KCNIP2: variants seen among roughly 807,000 people sequenced by gnomAD.
The protein encoded by KCNIP2 is potassium voltage-gated channel interacting protein 2, also known as A-type potassium channel modulatory protein KCNIP2.
Under a neutral mutation model 39.0 loss-of-function variants are expected in KCNIP2, and 19 were observed. The ratio of observed to expected loss-of-function variants is 0.49; its 90% confidence interval spans 0.34 to 0.71. The LOEUF is 0.71. Among genes scored for constraint, KCNIP2 ranks in the 30% least tolerant of loss-of-function variants. The pLI, the probability that KCNIP2 is intolerant of heterozygous loss-of-function variation, is 0.01. For synonymous variants in KCNIP2, 111 were observed against 131.2 expected (o/e 0.85, Z 1.05); for missense variants, 261 against 346.0 (o/e 0.75, Z 1.95).
Position 101,826,491 on chromosome 10 carries a change from A to G in KCNIP2, c.*862T>C, listed in dbSNP as rs897131743. The G allele has an allele frequency of 6.6e-6, 1 of 152,438 alleles. No individual in the cohort carries two copies. The highest frequency in any genetic ancestry group is 1.5e-5 in the Non-Finnish European group (1 of 68,110). 9.4% of individuals were successfully genotyped at this position (152,438 alleles called of 1,614,324 possible). On this transcript the variant is annotated 3_prime_UTR_variant, in exon 10 of 10. Transcript: ENST00000356640. Reference sequence around the variant, plus strand: ...ACAAAAACTCAAGTCATAGCCCTCAAAACAGGGACGATAAGCAAGGAGGGT... The same window carrying G: ...ACAAAAACTCAAGTCATAGCCCTCAGAACAGGGACGATAAGCAAGGAGGGT...
rs1564661761 is a variant in KCNIP2 at position 101,828,828 on chromosome 10, C to T, written c.349-132G>A. On this transcript the variant is annotated intron_variant, in intron 4 of 9. Coordinates refer to ENST00000356640, the MANE Select transcript of KCNIP2 (RefSeq NM_173191.3). The surrounding 1 kb of genome is among the most constrained non-coding windows in gnomAD (Gnocchi z 6.6). ...CCTCCAGAGGACTCACCACGTGGCT[C>T]ATGTGATGGGAGGGAAGACTTCTTT... The T allele has an allele frequency of 6.3e-7, 1 of 1,579,800 alleles. No individual in the cohort carries two copies. Among genetic ancestry groups the T allele is most frequent in the Non-Finnish European group, 8.6e-7 (1 of 1,162,488 alleles).
chr10:101,827,660 A>G, intron 9 of KCNIP2, 29 bp downstream of exon 9: 1 of 1,612,940 alleles, frequency 6.2e-7, no homozygotes, highest in South Asian at 1.1e-5. Flanking sequence ...AGTCCAGGTC[A>G]GGGTAATGTA....
rs534306919 is a variant in KCNIP2 at position 101,831,646 on chromosome 10, T to TCA, written c.74-481_74-480dup. On this transcript the variant is annotated intron_variant, in intron 1 of 9. Transcript: ENST00000356640. ...ACACCTGATGGCGTAATATGCATGC[T>TCA]CACACACACACACACAATGACCTGC... Among the ~76,000 whole-genome samples the TCA allele has an allele frequency of 2.7e-3, 405 of 151,262 alleles. 5 individuals carry two copies. The highest frequency in any genetic ancestry group is 9.3e-3 in the African/African-American group (385 of 41,182).
intron 1 of KCNIP2, among the ~76,000 whole-genome samples, chr10:101,834,031 A>G (rs1182906716): frequency 6.6e-6 from 1 of 150,690 alleles, no homozygotes; most frequent in Non-Finnish European, 1.5e-5. Flanking sequence ...TCACCTCCTG[A>G]CACCTTGGTC....
rs1253682200 is a variant in KCNIP2 at position 101,828,860 on chromosome 10, G to A, written c.349-164C>T. 50 of 1,553,192 alleles carry A rather than the reference G, an allele frequency of 3.2e-5. No individual in the cohort carries two copies. Among genetic ancestry groups the A allele is most frequent in the Non-Finnish European group, 4.2e-5 (48 of 1,148,458 alleles). ...TGGGAGGGAAGACTTCTTTCCCAGTGCACAAATAAAAAACATGGAACGAAA... is the reference window on the plus strand; with the variant it reads ...TGGGAGGGAAGACTTCTTTCCCAGTACACAAATAAAAAACATGGAACGAAA... On this transcript the variant is annotated intron_variant, in intron 4 of 9. Transcript: ENST00000356640. This position sits in a 1 kb window ranked among gnomAD's most constrained non-coding sequence, Gnocchi z 6.6.
chr10:101,843,604 AG>A lies in KCNIP2; in HGVS notation c.-37del. The A allele has an allele frequency of 2.2e-6, 3 of 1,334,826 alleles. No individual in the cohort carries two copies. Among genetic ancestry groups the A allele is most frequent in the South Asian group, 1.5e-5 (1 of 65,902 alleles). 82.7% of individuals were successfully genotyped at this position (1,334,826 alleles called of 1,614,324 possible). ...GCCCCGCTCCCGCCCGGGCCGTGGG[AG>A]GGGGCGCCGGGTGGCCGGGATAGGG... On this transcript the variant is annotated 5_prime_UTR_variant, in exon 1 of 10. Transcript: ENST00000356640. The surrounding 1 kb of genome is among the most constrained non-coding windows in gnomAD (Gnocchi z 6.7).
intron 1 of KCNIP2, chr10:101,834,413 C>T (rs944499348): frequency 7.5e-6 from 3 of 399,024 alleles, no homozygotes; most frequent in African/African-American, 2.1e-5. Flanking sequence ...GGTTCAGATA[C>T]GCCGGTTCAC....
At chr10:101,834,391 C>T (rs2066083367) in intron 1 of KCNIP2, 1 of 399,310 alleles carries the variant, frequency 2.5e-6, no homozygotes, top group Non-Finnish European at 4.4e-6. Flanking sequence ...GGCATGGCCC[C>T]TACAGGGCCC....
rs1025330643 is a variant in KCNIP2 at position 101,828,055 on chromosome 10, C to T, written c.598-62G>A. On this transcript the variant is annotated intron_variant, in intron 7 of 9. Coordinates refer to ENST00000356640, the MANE Select transcript of KCNIP2 (RefSeq NM_173191.3). The surrounding 1 kb of genome is among the most constrained non-coding windows in gnomAD (Gnocchi z 6.6). ...GCCTCCAGCCTCCCTTGATCCCTTG[C>T]TTGTGGGCATATGTGGGTCATATTT... The T allele has an allele frequency of 6.4e-7, 1 of 1,556,290 alleles. No individual in the cohort carries two copies.
At chr10:101,842,824 A>C (rs1241229265) in intron 1 of KCNIP2, among the ~76,000 whole-genome samples, 1 of 152,220 alleles carries the variant, frequency 6.6e-6, no homozygotes, top group Non-Finnish European at 1.5e-5. Flanking sequence ...TCACCACATG[A>C]AAGTACACAA....
intron 8 of KCNIP2, 61 bp downstream of exon 8, chr10:101,827,828 G>T: frequency 6.5e-7 from 1 of 1,541,212 alleles, no homozygotes; most frequent in Non-Finnish European, 9.0e-7. Flanking sequence ...TGAGTTCCCT[G>T]CTGGTTCTTG....
At chr10:101,831,403 C>T (rs1407729937) in intron 1 of KCNIP2, among the ~76,000 whole-genome samples, 2 of 152,132 alleles carry the variant, frequency 1.3e-5, no homozygotes, top group African/African-American at 2.4e-5. Flanking sequence ...AGCGAGGCGG[C>T]AAGGATGAGG....
chr10:101,836,869 G>C (rs1393249786), intron 1 of KCNIP2, among the ~76,000 whole-genome samples: 1 of 152,156 alleles, frequency 6.6e-6, no homozygotes, highest in Non-Finnish European at 1.5e-5. Flanking sequence ...GCTGAGGCAG[G>C]AGAAGTGCTT....
In KCNIP2 at chr10:101,830,681, C is replaced by CCACACA. The variant is rs61337190; in HGVS notation, c.169+385_169+390dup. Reference sequence around the variant, plus strand: ...CCCGCCCTCGCCACGCTGGTCACGCCCACACACACACACACACACACACAC... The same window carrying CCACACA: ...CCCGCCCTCGCCACGCTGGTCACGCCCACACACACACACACACACACACACACACAC... On this transcript the variant is annotated intron_variant, in intron 2 of 9. Transcript: ENST00000356640. Among the ~76,000 whole-genome samples the CCACACA allele has an allele frequency of 5.8e-4, 84 of 145,300 alleles. 1 individual carries two copies. The highest frequency in any genetic ancestry group is 3.9e-3 in the South Asian group (18 of 4,562).
At chr10:101,839,862 T>C (rs781373580) in intron 1 of KCNIP2, 1 of 1,580,214 alleles carries the variant, frequency 6.3e-7, no homozygotes, top group African/African-American at 1.4e-5. Context: ...GAGCTCGGCG[T>C]CTAAGCTCCA....
At chr10:101,835,449 T>C (rs1008511603) in intron 1 of KCNIP2, among the ~76,000 whole-genome samples, 2 of 152,096 alleles carry the variant, frequency 1.3e-5, no homozygotes, top group African/African-American at 4.8e-5. Flanking sequence ...CCCAAGCTTC[T>C]TGGGAGAGGA....
At chr10:101,832,336 G>GTC (rs2066023695) in intron 1 of KCNIP2, among the ~76,000 whole-genome samples, 1 of 142,566 alleles carries the variant, frequency 7.0e-6, no homozygotes, top group African/African-American at 2.5e-5. Context: ...GTGTGTGTGT[G>GTC]TGTGTCTGTG....
chr10:101,836,651 G>A (rs376262860), intron 1 of KCNIP2, among the ~76,000 whole-genome samples: 3 of 152,124 alleles, frequency 2.0e-5, no homozygotes, highest in East Asian at 1.9e-4. Context: ...GCAACATGGC[G>A]AAACTCTGTC....
In KCNIP2 at chr10:101,838,356, C is replaced by T. The variant is rs1246075570; in HGVS notation, c.73+5140G>A. Among the ~76,000 whole-genome samples, 1 of 152,310 alleles carries T rather than the reference C, an allele frequency of 6.6e-6. No homozygotes were observed. Among genetic ancestry groups the T allele is most frequent in the Admixed American group, 6.5e-5 (1 of 15,304 alleles). The stretch of plus-strand genomic sequence containing the variant: ...TCTCCCCCAGTTCAAATGTGAGTAA[C>T]ACTGCCTTGTGGGGGAACCCACTCT... On this transcript the variant is annotated intron_variant, in intron 1 of 9. Transcript: ENST00000356640. The surrounding 1 kb of genome is among the most constrained non-coding windows in gnomAD (Gnocchi z 4.0).
Sources: gnomAD v4.1 joint callset for allele counts (sites outside exome capture counted in the v4.1 genomes callset) on GRCh38, gnomAD v4.1.1 for gene constraint, Gnocchi (gnomAD v3.1) non-coding constraint, MANE v1.5 for transcripts, NCBI Gene and HGNC (gene_info 2026-07-23, HGNC 2026-07-21) for gene names.